The following SCHIP1 variants were observed in gnomAD, a reference collection of about 807,000 sequenced individuals.
SCHIP1 encodes schwannomin interacting protein 1.
In SCHIP1, 8 loss-of-function variants were observed where a neutral mutation model predicts 29.7. That is an observed-to-expected ratio of 0.27 (90% CI 0.16 to 0.49). The LOEUF is 0.49. SCHIP1 is among the 20% of genes least tolerant of loss of function. The pLI, the probability that SCHIP1 is intolerant of heterozygous loss-of-function variation, is 0.99. For synonymous variants in SCHIP1, 76 were observed against 94.9 expected, an observed-to-expected ratio of 0.80 and a Z score of 1.16; for missense variants, 193 against 294.6, an observed-to-expected ratio of 0.66 and a Z score of 2.52.
chr3:159,353,740 T>C, the SCHIP1 span, among the ~76,000 whole-genome samples: 1 of 152,296 alleles, frequency 6.6e-6, no homozygotes, highest in Admixed American at 6.5e-5. Flanking sequence ...AAATTTACTT[T>C]GCCAAGGTAG....
the SCHIP1 span, among the ~76,000 whole-genome samples, chr3:159,671,643 G>T: frequency 6.6e-6 from 1 of 152,044 alleles, no homozygotes; most frequent in South Asian, 2.1e-4. Flanking sequence ...GTCATTTACT[G>T]GCAGTGTGGT....
the SCHIP1 span, among the ~76,000 whole-genome samples, chr3:159,373,790 C>T: frequency 1.3e-5 from 2 of 151,890 alleles, no homozygotes; most frequent in South Asian, 2.1e-4. Flanking sequence ...TATGTATATA[C>T]ACACACACAC....
the SCHIP1 span, chr3:159,387,340 G>T: frequency 2.7e-6 from 1 of 375,422 alleles, no homozygotes; most frequent in Non-Finnish European, 5.2e-6. Context: ...ATTTTTATGG[G>T]CAGGGAGAAG....
chr3:159,650,266 A>C, the SCHIP1 span, among the ~76,000 whole-genome samples: 1 of 152,212 alleles, frequency 6.6e-6, no homozygotes, highest in Non-Finnish European at 1.5e-5. Context: ...AAATAATGAA[A>C]AAAGGGAAAA....
intron 2 of SCHIP1, among the ~76,000 whole-genome samples, chr3:159,878,021 C>A (rs1196128013): frequency 6.6e-6 from 1 of 152,224 alleles, no homozygotes; most frequent in East Asian, 1.9e-4. Flanking sequence ...GGATCTCCCA[C>A]CACCTCCAGC....
chr3:159,770,785 G>T, the SCHIP1 span, among the ~76,000 whole-genome samples: 244 of 152,252 alleles, frequency 1.6e-3, 2 homozygotes, highest in African/African-American at 5.6e-3. Flanking sequence ...CAGGTGGCTG[G>T]GTGGCTGCTC....
the SCHIP1 span, among the ~76,000 whole-genome samples, chr3:159,696,720 C>T: frequency 8.6e-5 from 13 of 152,040 alleles, no homozygotes; most frequent in Non-Finnish European, 1.6e-4. Flanking sequence ...CTGTGGGTGT[C>T]GGGGTTCTTA....
chr3:159,516,858 A>G, the SCHIP1 span, among the ~76,000 whole-genome samples: 1 of 152,286 alleles, frequency 6.6e-6, no homozygotes, highest in Admixed American at 6.5e-5. Flanking sequence ...CCTTTAGTCT[A>G]TCCAAAATCC....
chr3:159,855,002 T>C (rs1713176567), intron 1 of SCHIP1, among the ~76,000 whole-genome samples: 1 of 152,120 alleles, frequency 6.6e-6, no homozygotes, highest in Admixed American at 6.5e-5. Context: ...CAAAACAGAA[T>C]TGCACTGTGT....
the SCHIP1 span, among the ~76,000 whole-genome samples, chr3:159,484,021 T>C: frequency 6.6e-6 from 1 of 152,144 alleles, no homozygotes. Flanking sequence ...AAAGAGGTAT[T>C]TACAGACCAC....
rs1431226544 is a variant in SCHIP1 at position 159,883,658 on chromosome 3, T to C, written c.150-2549T>C. ...TTTACTAAAATCCCCTCTGAACCAT[T>C]AGCTGTTATGTCATATAATTTCCTT... On this transcript the variant is annotated intron_variant, in intron 2 of 6. Coordinates refer to ENST00000445224, the Ensembl canonical transcript of SCHIP1. 3.3e-5 allele frequency among the ~76,000 whole-genome samples: 5 copies of C among 152,312 alleles called. No individual in the cohort carries two copies. In the East Asian group the frequency reaches 9.6e-4, roughly 29 times the overall value.
the SCHIP1 span, among the ~76,000 whole-genome samples, chr3:159,534,794 C>T: frequency 6.6e-6 from 1 of 152,128 alleles, no homozygotes. Flanking sequence ...ATTCTGCTTT[C>T]TTTTCTAAAC....
chr3:159,382,642 A>G, the SCHIP1 span, among the ~76,000 whole-genome samples: 1 of 151,784 alleles, frequency 6.6e-6, no homozygotes, highest in African/African-American at 2.4e-5. Flanking sequence ...TGGCTGGGTC[A>G]AATGGTATTT....
the SCHIP1 span, among the ~76,000 whole-genome samples, chr3:159,497,084 A>G: frequency 2.0e-5 from 3 of 152,150 alleles, no homozygotes; most frequent in Non-Finnish European, 4.4e-5. Flanking sequence ...GAAGGGGAAC[A>G]TCACACACTG....
the SCHIP1 span, among the ~76,000 whole-genome samples, chr3:159,495,082 A>G: frequency 6.6e-6 from 1 of 152,356 alleles, no homozygotes; most frequent in South Asian, 2.1e-4. Flanking sequence ...ACTCTCAATA[A>G]GTTAGGCATT....
intron 1 of SCHIP1, among the ~76,000 whole-genome samples, chr3:159,841,402 C>G (rs1467076983): frequency 1.3e-5 from 2 of 151,960 alleles, no homozygotes; most frequent in Non-Finnish European, 2.9e-5. Context: ...ATTCTTTCCA[C>G]GAGAAAGGGG....
the SCHIP1 span, among the ~76,000 whole-genome samples, chr3:159,772,162 C>G: frequency 6.6e-6 from 1 of 152,086 alleles, no homozygotes; most frequent in African/African-American, 2.4e-5. Flanking sequence ...ATCATAACTA[C>G]TTTTTTTTCA....
chr3:159,626,999 A>G, the SCHIP1 span, among the ~76,000 whole-genome samples: 4 of 152,134 alleles, frequency 2.6e-5, no homozygotes, highest in Non-Finnish European at 5.9e-5. Context: ...CCCCACGTGC[A>G]TTAGGTATTT....
chr3:159,864,633 G>T (rs957528844), intron 1 of SCHIP1, among the ~76,000 whole-genome samples: 4 of 152,046 alleles, frequency 2.6e-5, no homozygotes, highest in African/African-American at 7.2e-5. Flanking sequence ...TGGTGTCCAA[G>T]GATTAAAAAG....
Sources: allele counts gnomAD v4.1 joint callset (sites outside exome capture counted in the v4.1 genomes callset), GRCh38; gene constraint gnomAD v4.1.1; transcripts MANE v1.5; gene names NCBI Gene and HGNC (gene_info 2026-07-23, HGNC 2026-07-21).